The following SRL variants were observed in gnomAD, a reference collection of about 807,000 sequenced individuals.
SRL encodes sarcalumenin.
A neutral mutation model predicts 39.5 loss-of-function variants in SRL; 23 were observed. That is an observed-to-expected ratio of 0.58 (90% confidence interval 0.42 to 0.82). The LOEUF is 0.82. SRL is among the 40% of genes least tolerant of loss of function. The pLI is 0.00. For missense variants in SRL, 592 were observed against 607.8 expected (o/e 0.97, Z 0.27); for synonymous variants, 272 against 237.4 (o/e 1.15, Z -1.34).
intron 1 of SRL, among the ~76,000 whole-genome samples, chr16:4,220,581 G>A (rs146858773): frequency 6.8e-4 from 103 of 152,242 alleles, no homozygotes; most frequent in African/African-American, 2.3e-3. Flanking sequence ...GCTCCATCCC[G>A]CCCCTCAGGC....
intron 1 of SRL, among the ~76,000 whole-genome samples, chr16:4,236,939 C>A (rs1044460928): frequency 7.9e-5 from 12 of 151,436 alleles, no homozygotes; most frequent in African/African-American, 2.7e-4. Flanking sequence ...TGCACCCAGC[C>A]GTGAACTTTT....
At chr16:4,197,068 T>C (rs1254934853) in intron 4 of SRL, among the ~76,000 whole-genome samples, 9 of 80,122 alleles carry the variant, frequency 1.1e-4, no homozygotes, top group African/African-American at 3.0e-4. Flanking sequence ...TTCTTTTTTT[T>C]TTTTTTTTTT....
At position 4,202,549 on chromosome 16, in the gene SRL, C is replaced by T. The variant is rs569524633; in HGVS notation, c.259+617G>A. Among the ~76,000 whole-genome samples the T allele has an allele frequency of 4.6e-5, 7 of 151,186 alleles. No homozygotes were observed. In the South Asian group the frequency reaches 6.3e-4, roughly 14 times the overall value. On this transcript the variant is annotated intron_variant, in intron 3 of 5. Transcript: ENST00000399609. Reference sequence around the variant, plus strand: ...CAGAGCTTGCAGTGAGCCGAGATTGCGCCACTGCACTCCAGTATGAGTGAC... The same window carrying T: ...CAGAGCTTGCAGTGAGCCGAGATTGTGCCACTGCACTCCAGTATGAGTGAC...
chr16:4,194,471 C>T (rs1269134811), intron 5 of SRL, among the ~76,000 whole-genome samples: 5 of 152,176 alleles, frequency 3.3e-5, no homozygotes, highest in Non-Finnish European at 7.3e-5. Flanking sequence ...TATGGGGAAG[C>T]AACCCTGGAA....
intron 1 of SRL, among the ~76,000 whole-genome samples, chr16:4,216,853 G>T (rs1411660318): frequency 6.6e-6 from 1 of 152,208 alleles, no homozygotes; most frequent in African/African-American, 2.4e-5. Flanking sequence ...CCACATCCCA[G>T]TCCGAAGAAA....
chr16:4,204,412 C>G, intron 2 of SRL, 121 bp downstream of exon 2: 1 of 887,402 alleles, frequency 1.1e-6, no homozygotes, highest in Non-Finnish European at 1.8e-6. Context: ...AAGATAGATA[C>G]AGCCCCGGCC....
Position 4,206,172 on chromosome 16 carries a change from C to T in SRL, c.62-1538G>A, listed in dbSNP as rs775335345. On this transcript the variant is annotated intron_variant, in intron 1 of 5. Coordinates refer to ENST00000399609, the MANE Select transcript of SRL (RefSeq NM_001098814.2). Reference sequence around the variant, plus strand: ...GCCCTTCCCCCTCTGCTCCTGGCCCCGAGCCCTTTGAGGGCAGCTTTGGCT... The same window carrying T: ...GCCCTTCCCCCTCTGCTCCTGGCCCTGAGCCCTTTGAGGGCAGCTTTGGCT... Among the ~76,000 whole-genome samples, 5 of 152,178 alleles carry T rather than the reference C, an allele frequency of 3.3e-5. No homozygotes were observed. The East Asian group carries it at 5.8e-4, about 18-fold the overall frequency.
chr16:4,227,691 C>T (rs762771189), intron 1 of SRL, among the ~76,000 whole-genome samples: 13 of 152,130 alleles, frequency 8.5e-5, no homozygotes, highest in Non-Finnish European at 1.3e-4. Context: ...AGATTCAGAA[C>T]CAGGGAAGTG....
intron 1 of SRL, among the ~76,000 whole-genome samples, chr16:4,210,423 T>C (rs748219673): frequency 1.3e-5 from 2 of 151,898 alleles, no homozygotes; most frequent in Non-Finnish European, 2.9e-5. Context: ...TATAAAACAG[T>C]ATCTTCATCA....
chr16:4,200,405 C>T (rs978826989), intron 3 of SRL, among the ~76,000 whole-genome samples: 1 of 152,184 alleles, frequency 6.6e-6, no homozygotes, highest in Admixed American at 6.5e-5. Context: ...CGGCTCCTCA[C>T]AGCAGGGGGC....
chr16:4,220,500 G>T (rs956812057), intron 1 of SRL, among the ~76,000 whole-genome samples: 2 of 151,830 alleles, frequency 1.3e-5, no homozygotes, highest in Admixed American at 1.3e-4. Context: ...CCTTGCTAGA[G>T]CCTCTGATTT....
At chr16:4,238,970 T>C (rs2052743503) in intron 1 of SRL, among the ~76,000 whole-genome samples, 1 of 152,150 alleles carries the variant, frequency 6.6e-6, no homozygotes, top group South Asian at 2.1e-4. Flanking sequence ...CCCAGTCTAG[T>C]GCATTCCAGG....
chr16:4,213,052 G>C (rs1026927928), intron 1 of SRL, among the ~76,000 whole-genome samples: 1 of 152,200 alleles, frequency 6.6e-6, no homozygotes, highest in Non-Finnish European at 1.5e-5. Flanking sequence ...GATTGGGGCA[G>C]GGGTGGGACA....
chr16:4,211,201 A>T (rs1046474435), intron 1 of SRL, among the ~76,000 whole-genome samples: 1 of 151,602 alleles, frequency 6.6e-6, no homozygotes, highest in African/African-American at 2.4e-5. Flanking sequence ...ACAAAGTTGC[A>T]AACCACTGCA....
At chr16:4,240,450 G>C (rs2052760433) in intron 1 of SRL, among the ~76,000 whole-genome samples, 1 of 152,176 alleles carries the variant, frequency 6.6e-6, no homozygotes, top group Non-Finnish European at 1.5e-5. Flanking sequence ...CCACCACAGT[G>C]GATGAAACCC....
Position 4,213,967 on chromosome 16 carries a change from C to T in SRL, c.62-9333G>A, listed in dbSNP as rs1436169224. On this transcript the variant is annotated intron_variant, in intron 1 of 5. Transcript: ENST00000399609. ...TCAGGCCAAGAGACAGAACAAAGCT[C>T]CCTGGGAGCGACCATGACCTGCTGA... Among the ~76,000 whole-genome samples, 5 of 152,308 alleles carry T rather than the reference C, an allele frequency of 3.3e-5. No individual in the cohort carries two copies. The East Asian group carries it at 7.7e-4, about 24-fold the overall frequency.
At chr16:4,206,117 A>G (rs914769893) in intron 1 of SRL, among the ~76,000 whole-genome samples, 1 of 152,138 alleles carries the variant, frequency 6.6e-6, no homozygotes, top group African/African-American at 2.4e-5. Context: ...TATTGGCTGC[A>G]ATTCTCACAC....
chr16:4,203,683 G>C (rs1327302878), intron 2 of SRL, among the ~76,000 whole-genome samples: 5 of 149,382 alleles, frequency 3.3e-5, no homozygotes, highest in Non-Finnish European at 7.4e-5. Context: ...CACTGTGCCC[G>C]GCCTGAGCTG....
chr16:4,217,328 G>A (rs1401446428), intron 1 of SRL, among the ~76,000 whole-genome samples: 1 of 152,176 alleles, frequency 6.6e-6, no homozygotes, highest in African/African-American at 2.4e-5. Context: ...GTGCAGCAGT[G>A]TGACGAAAGC....
Sources: gnomAD v4.1 joint callset for allele counts (sites outside exome capture counted in the v4.1 genomes callset) on GRCh38, gnomAD v4.1.1 for gene constraint, MANE v1.5 for transcripts, NCBI Gene and HGNC (gene_info 2026-07-23, HGNC 2026-07-21) for gene names.